Variants in APPBP2 observed in about 807,000 individuals in gnomAD.
The protein encoded by APPBP2 is amyloid beta precursor protein binding protein 2, also known as amyloid protein-binding protein 2.
Under a neutral mutation model 76.0 loss-of-function variants are expected in APPBP2, and 15 were observed. That is an observed-to-expected ratio of 0.20 (90% confidence interval 0.13 to 0.30). The LOEUF is 0.30. Ranked by LOEUF, APPBP2 falls within the 10% of genes least tolerant of loss-of-function variation. The probability of loss-of-function intolerance (pLI) is 1.00; values close to 1 mark genes in which losing one functional copy is unlikely to be tolerated. For missense variants in APPBP2, 401 were observed against 687.2 expected (o/e 0.58, Z 4.66); for synonymous variants, 222 against 242.2 (o/e 0.92, Z 0.77).
intron 3 of APPBP2, among the ~76,000 whole-genome samples, chr17:60,491,776 T>C (rs914886869): frequency 6.6e-6 from 1 of 152,104 alleles, no homozygotes; most frequent in Non-Finnish European, 1.5e-5. Context: ...AAACAGAGCA[T>C]AAAAGTTTGG....
intron 3 of APPBP2, among the ~76,000 whole-genome samples, chr17:60,480,471 T>C (rs1244978913): frequency 6.6e-6 from 1 of 152,188 alleles, no homozygotes; most frequent in Non-Finnish European, 1.5e-5. Flanking sequence ...ACAAAAAATA[T>C]GGTGTCTTAA....
intron 1 of APPBP2, among the ~76,000 whole-genome samples, chr17:60,510,952 GT>G (rs940104529): frequency 1.6e-5 from 2 of 125,418 alleles, no homozygotes; most frequent in East Asian, 2.0e-4. Flanking sequence ...GAAATTAAGA[GT>G]TTTCCCCCCC....
intron 4 of APPBP2, 74 bp downstream of exon 4, chr17:60,479,074 C>A (rs1203493884): frequency 2.1e-6 from 3 of 1,444,660 alleles, no homozygotes; most frequent in Non-Finnish European, 2.8e-6. Context: ...TTGGCATATA[C>A]TTATAAGAGC....
In APPBP2 at chr17:60,444,870, A is replaced by T. The variant is rs990740788; in HGVS notation, c.*2711T>A. ...TGAGACCAAAGGCCCCTAATTTAAC[A>T]TAACTTTGCTGAACCTCCAGAAAAA... On this transcript the variant is annotated 3_prime_UTR_variant, in exon 13 of 13. Coordinates refer to ENST00000083182, the MANE Select transcript of APPBP2 (RefSeq NM_006380.5). The T allele has an allele frequency of 6.6e-6, 1 of 152,468 alleles. No individual in the cohort carries two copies. Among genetic ancestry groups the T allele is most frequent in the Non-Finnish European group, 1.5e-5 (1 of 68,020 alleles). The allele number at this position is 152,468 out of a possible 1,614,324, so 9.4% of individuals were successfully genotyped here.
At chr17:60,513,920 TA>T (rs1437864844) in intron 1 of APPBP2, among the ~76,000 whole-genome samples, 1 of 146,824 alleles carries the variant, frequency 6.8e-6, no homozygotes, top group Non-Finnish European at 1.5e-5. Flanking sequence ...ACCCCTGGAG[TA>T]AACACCATTA....
In APPBP2 at chr17:60,445,245, T is replaced by C. The variant is rs1161885931; in HGVS notation, c.*2336A>G. ...GGTGATAAGGAGAAACTGCCAATAA[T>C]GATGTTTCAAAAAAACACAACTGGC... On this transcript the variant is annotated 3_prime_UTR_variant, in exon 13 of 13. Transcript: ENST00000083182. The C allele has an allele frequency of 2.6e-5, 4 of 152,706 alleles. No homozygotes were observed. In the East Asian group the frequency reaches 7.7e-4, roughly 29 times the overall value. 9.5% of individuals were successfully genotyped at this position (152,706 alleles called of 1,614,324 possible). A position where few individuals can be genotyped will look rare whatever the true frequency, so the allele number is the denominator to read the frequency against.
chr17:60,479,414 A>C, intron 3 of APPBP2, 143 bp from the exon 4 acceptor site: 1 of 845,072 alleles, frequency 1.2e-6, no homozygotes, highest in Non-Finnish European at 1.7e-6. Context: ...ACAGGTATGA[A>C]CTGTGAGATT....
chr17:60,454,492 G>A lies in APPBP2; in HGVS notation c.1148C>T (p.Ala383Val). ...AATTGCAATCTCCTCTAAAATAAGT[G>A]CTAAAAAAGAAGGCAATAAATTAGT... ...LLLASSKRVKALILEEIAIDC... is the reference protein window; with the variant it reads ...LLLASSKRVKVLILEEIAIDC... The change falls in exon 11 of 13, where the codon GCA becomes GTA. Residue 383 changes from alanine (A) to valine (V), a missense_variant and splice_region_variant. Coordinates refer to ENST00000083182, the MANE Select transcript of APPBP2 (RefSeq NM_006380.5). 1 of 1,577,540 alleles carries A rather than the reference G, an allele frequency of 6.3e-7. No individual in the cohort carries two copies.
In APPBP2 at chr17:60,463,784, G is replaced by T. The variant is rs535285941; in HGVS notation, c.762+237C>A. Among the ~76,000 whole-genome samples, 11 of 152,254 alleles carry T rather than the reference G, an allele frequency of 7.2e-5. No individual in the cohort carries two copies. The South Asian group carries it at 2.3e-3, about 32-fold the overall frequency. ...CTGTACTTTAGTGCACTGAAACAAT[G>T]ATCAAAATGAATTATTTCACTGGTT... On this transcript the variant is annotated intron_variant, in intron 6 of 12. Coordinates refer to ENST00000083182, the MANE Select transcript of APPBP2 (RefSeq NM_006380.5).
intron 1 of APPBP2, among the ~76,000 whole-genome samples, chr17:60,512,872 A>G (rs1193435951): frequency 6.7e-6 from 1 of 148,314 alleles, no homozygotes; most frequent in East Asian, 2.0e-4. Context: ...AAAAGAAACG[A>G]CAAAAAAAAA....
chr17:60,518,743 A>G (rs1244149300), intron 1 of APPBP2, among the ~76,000 whole-genome samples: 2 of 151,966 alleles, frequency 1.3e-5, no homozygotes, highest in African/African-American at 4.8e-5. Flanking sequence ...GGCTCAAGCC[A>G]TCCTCCCACC....
intron 8 of APPBP2, 88 bp from the exon 9 acceptor site, chr17:60,460,875 T>C (rs548435073): frequency 7.3e-7 from 1 of 1,363,788 alleles, no homozygotes; most frequent in South Asian, 1.5e-5. Flanking sequence ...TATATATCTA[T>C]ATGCCTAACA....
At position 60,525,784 on chromosome 17, in the gene APPBP2, CG is replaced by C; in HGVS notation, c.138+9del. The C allele has an allele frequency of 6.2e-7, 1 of 1,612,744 alleles. No individual in the cohort carries two copies. On this transcript the variant is annotated intron_variant, in intron 1 of 12. Coordinates refer to ENST00000083182, the MANE Select transcript of APPBP2 (RefSeq NM_006380.5). ...TGGAGGAGAGCAGAGAGGAGGCCCACGGCGCATACCTTGTAGTAAACATCAA... is the reference window on the plus strand; with the variant it reads ...TGGAGGAGAGCAGAGAGGAGGCCCACGCGCATACCTTGTAGTAAACATCAA...
chr17:60,462,960 A>C (rs1051763774), intron 6 of APPBP2, among the ~76,000 whole-genome samples: 1 of 151,622 alleles, frequency 6.6e-6, no homozygotes, highest in Admixed American at 6.6e-5. Flanking sequence ...AAAAAAAAAA[A>C]AAAGAAAAAA....
At chr17:60,470,802 T>C (rs1352338249) in intron 4 of APPBP2, among the ~76,000 whole-genome samples, 1 of 144,878 alleles carries the variant, frequency 6.9e-6, no homozygotes, top group Non-Finnish European at 1.5e-5. Flanking sequence ...GATTTTTTTT[T>C]TTTTTTGAGA....
At chr17:60,516,735 T>C (rs1373122877) in intron 1 of APPBP2, among the ~76,000 whole-genome samples, 1 of 152,232 alleles carries the variant, frequency 6.6e-6, no homozygotes, top group Non-Finnish European at 1.5e-5. Context: ...GGTATGTTTA[T>C]GTTCAGTTTT....
At chr17:60,485,808 A>C (rs1298582158) in intron 3 of APPBP2, among the ~76,000 whole-genome samples, 1 of 152,072 alleles carries the variant, frequency 6.6e-6, no homozygotes, top group Non-Finnish European at 1.5e-5. Context: ...TGAATTGTAG[A>C]TCTTTCCTGC....
intron 4 of APPBP2, 117 bp from the exon 5 acceptor site, chr17:60,466,576 T>C (rs559005133): frequency 3.7e-6 from 4 of 1,069,336 alleles, no homozygotes; most frequent in African/African-American, 3.1e-5. Flanking sequence ...CAAGGCAGCA[T>C]TGAAAATAAG....
chr17:60,476,515 CTTA>C (rs2090592202), intron 4 of APPBP2, among the ~76,000 whole-genome samples: 1 of 151,776 alleles, frequency 6.6e-6, no homozygotes, highest in South Asian at 2.1e-4. Context: ...AAAAAAATTA[CTTA>C]TTATAAATAA....
Sources: allele counts gnomAD v4.1 joint callset (sites outside exome capture counted in the v4.1 genomes callset), GRCh38; gene constraint gnomAD v4.1.1; transcripts MANE v1.5; gene names NCBI Gene and HGNC (gene_info 2026-07-23, HGNC 2026-07-21).